The following KLHL4 variants were observed in gnomAD, a reference collection of about 807,000 sequenced individuals.
The protein encoded by KLHL4 is kelch-like protein 4.
KLHL4 carries 17 observed loss-of-function variants against 45.8 expected under a neutral mutation model. The observed-to-expected ratio is 0.37, with a 90% confidence interval of 0.25 to 0.56. KLHL4 has a LOEUF of 0.56. Among genes scored for constraint, KLHL4 ranks in the 20% least tolerant of loss-of-function variants. The probability of loss-of-function intolerance (pLI) is 0.79; values close to 1 mark genes in which losing one functional copy is unlikely to be tolerated. For missense variants in KLHL4, 544 were observed against 544.9 expected, an observed-to-expected ratio of 1.00 and a Z score of 0.02; for synonymous variants, 224 against 189.9, an observed-to-expected ratio of 1.18 and a Z score of -1.47.
At chrX:87,606,912 A>G (rs1170940529) in intron 1 of KLHL4, among the ~76,000 whole-genome samples, 2 of 112,134 alleles carry the variant, frequency 1.8e-5, no homozygotes, top group Non-Finnish European at 3.8e-5. Context: ...AAAGCAAAAA[A>G]TAAAAAGTTT....
At chrX:87,524,408 T>C (rs1451597201) in intron 1 of KLHL4, among the ~76,000 whole-genome samples, 2 of 112,033 alleles carry the variant, frequency 1.8e-5, no homozygotes, top group Non-Finnish European at 3.8e-5. Context: ...ATTTTAAACA[T>C]TAAAATATTG....
chrX:87,615,787 G>T (rs1922538675), intron 3 of KLHL4, among the ~76,000 whole-genome samples: 1 of 111,055 alleles, frequency 9.0e-6, no homozygotes. Flanking sequence ...AAATTGTAGA[G>T]GCAGAAGATA....
At chrX:87,634,726 G>A (rs1923204849) in intron 8 of KLHL4, among the ~76,000 whole-genome samples, 1 of 111,738 alleles carries the variant, frequency 8.9e-6, no homozygotes, top group Middle Eastern at 4.2e-3. Context: ...AGGAGATCCA[G>A]TTTTAAAGTG....
At chrX:87,555,551 G>A (rs1216134967) in intron 1 of KLHL4, among the ~76,000 whole-genome samples, 1 of 108,168 alleles carries the variant, frequency 9.2e-6, no homozygotes, top group Non-Finnish European at 1.9e-5. Context: ...ATTTCTGTGG[G>A]ATCGGTGGTG....
chrX:87,657,328 C>T (rs906922083), intron 9 of KLHL4, among the ~76,000 whole-genome samples: 1 of 112,260 alleles, frequency 8.9e-6, no homozygotes, highest in Non-Finnish European at 1.9e-5. Context: ...TGAAGTTGGG[C>T]AGAGCTGGAC....
At chrX:87,626,095 C>A (rs1282055775) in intron 6 of KLHL4, among the ~76,000 whole-genome samples, 2 of 111,446 alleles carry the variant, frequency 1.8e-5, no homozygotes, top group Non-Finnish European at 3.8e-5. Flanking sequence ...TTTGTGAACC[C>A]GAAAGTATGT....
In KLHL4 at chrX:87,625,729, T is replaced by A; in HGVS notation, c.1257T>A (p.Pro419=). The A allele has an allele frequency of 8.3e-7, 1 of 1,209,956 alleles. No homozygotes were observed. Among genetic ancestry groups the A allele is most frequent in the Non-Finnish European group, 1.1e-6 (1 of 894,444 alleles). Residue 419 remains proline, a synonymous_variant, in exon 6 of 11, where the codon CCT becomes CCA. Coordinates refer to ENST00000373119, the MANE Select transcript of KLHL4 (RefSeq NM_019117.5). ...LPERRSMMQS[P]RTKPRKSTVG... ...AGAGAAGATCCATGATGCAAAGCCC[T>A]CGGACAAAGCCTAGAAAATCAACTG...
chrX:87,568,383 C>CTTTTTTTT (rs756469573), intron 1 of KLHL4, among the ~76,000 whole-genome samples: 2 of 59,220 alleles, frequency 3.4e-5, no homozygotes, highest in Non-Finnish European at 6.1e-5. Flanking sequence ...TTTTTCTTTT[C>CTTTTTTTT]TTTTTTTCTT....
chrX:87,626,965 G>T (rs72634515), intron 6 of KLHL4, among the ~76,000 whole-genome samples: 12,217 of 111,552 alleles, frequency 0.11, 508 homozygotes, highest in African/African-American at 0.14. Flanking sequence ...TCTTCCATTT[G>T]TAGAAGGAAT....
intron 7 of KLHL4, among the ~76,000 whole-genome samples, chrX:87,633,214 C>T (rs1202609550): frequency 9.0e-6 from 1 of 111,342 alleles, no homozygotes; most frequent in Non-Finnish European, 1.9e-5. Flanking sequence ...ATTATCAAAG[C>T]AGATGCGAAG....
chrX:87,523,324 C>T (rs1418273881), intron 1 of KLHL4, among the ~76,000 whole-genome samples: 2 of 110,872 alleles, frequency 1.8e-5, no homozygotes, highest in East Asian at 2.8e-4. Context: ...TATATGTACA[C>T]GTATATGTAT....
At chrX:87,599,365 C>T (rs1327782659) in intron 1 of KLHL4, among the ~76,000 whole-genome samples, 2 of 111,237 alleles carry the variant, frequency 1.8e-5, no homozygotes, top group Non-Finnish European at 3.8e-5. Flanking sequence ...TTCTTAGATG[C>T]GTTAAACTCA....
Position 87,645,253 on chromosome X carries a change from C to T in KLHL4, c.1925+9478C>T, listed in dbSNP as rs947878979. On this transcript the variant is annotated intron_variant, in intron 9 of 10. Transcript: ENST00000373119. ...AAAGTGGGCTAAGGAAATGAATAAACAATTCTCAAAAGAAGATATACAAAT... is the reference window on the plus strand; with the variant it reads ...AAAGTGGGCTAAGGAAATGAATAAATAATTCTCAAAAGAAGATATACAAAT... Among the ~76,000 whole-genome samples the T allele has an allele frequency of 3.6e-5, 4 of 111,573 alleles. No individual in the cohort carries two copies. The Admixed American group carries it at 3.8e-4, about 11-fold the overall frequency.
intron 1 of KLHL4, among the ~76,000 whole-genome samples, chrX:87,599,573 T>C (rs1921944219): frequency 9.1e-6 from 1 of 110,178 alleles, no homozygotes; most frequent in African/African-American, 3.3e-5. Context: ...TTTAAACATC[T>C]GAAGTACACA....
intron 9 of KLHL4, among the ~76,000 whole-genome samples, chrX:87,648,821 A>G (rs974998599): frequency 2.7e-5 from 3 of 111,292 alleles, no homozygotes; most frequent in African/African-American, 9.8e-5. Flanking sequence ...ATCAGTTATT[A>G]AGAGATGCAA....
At chrX:87,560,844 A>G (rs1319835207) in intron 1 of KLHL4, among the ~76,000 whole-genome samples, 2 of 111,544 alleles carry the variant, frequency 1.8e-5, no homozygotes, top group African/African-American at 6.5e-5. Flanking sequence ...TCTTTATTCA[A>G]TTGTAGGTGA....
chrX:87,566,340 A>G (rs753946471), intron 1 of KLHL4, among the ~76,000 whole-genome samples: 85 of 111,347 alleles, frequency 7.6e-4, no homozygotes, highest in Non-Finnish European at 1.4e-3. Flanking sequence ...AAAAAATACA[A>G]TTGTTCCTAA....
At chrX:87,645,289 CAT>C (rs774683683) in intron 9 of KLHL4, among the ~76,000 whole-genome samples, 4 of 111,716 alleles carry the variant, frequency 3.6e-5, no homozygotes, top group Non-Finnish European at 5.7e-5. Context: ...GGCCAATAAA[CAT>C]GTGAAAAATG....
At chrX:87,622,164 G>T in intron 4 of KLHL4, 47 bp from the exon 5 acceptor site, 1 of 893,472 alleles carries the variant, frequency 1.1e-6, no homozygotes, top group Non-Finnish European at 1.6e-6. Context: ...ATTCCATTAA[G>T]AAATTTCTAA....
Sources: allele counts gnomAD v4.1 joint callset (sites outside exome capture counted in the v4.1 genomes callset), GRCh38; gene constraint gnomAD v4.1.1; transcripts MANE v1.5; gene names NCBI Gene and HGNC (gene_info 2026-07-23, HGNC 2026-07-21).